Variants in SPATA13 observed in about 807,000 individuals in gnomAD.
SPATA13 encodes the protein spermatogenesis associated 13.
A neutral mutation model predicts 104.0 loss-of-function variants in SPATA13; 50 were observed. That is an observed-to-expected ratio of 0.48 (90% confidence interval 0.38 to 0.61). The LOEUF (loss-of-function observed/expected upper bound fraction) is 0.61. SPATA13 is among the 20% of genes least tolerant of loss of function. SPATA13 has a pLI of 0.00. For missense variants in SPATA13, 1,524 were observed against 1,690.6 expected, an observed-to-expected ratio of 0.90 and a Z score of 1.73; for synonymous variants, 606 against 667.5, an observed-to-expected ratio of 0.91 and a Z score of 1.42.
chr13:24,227,521 G>A (rs1872011951), intron 2 of SPATA13, among the ~76,000 whole-genome samples: 1 of 152,028 alleles, frequency 6.6e-6, no homozygotes. Flanking sequence ...ATAATTCTAC[G>A]AATTTGCCTC....
chr13:24,005,216 A>G (rs144536098), intron 2 of SPATA13, among the ~76,000 whole-genome samples: 3,990 of 152,296 alleles, frequency 0.026, 70 homozygotes, highest in African/African-American at 0.047. Flanking sequence ...GTTTTCTGGT[A>G]GCCTGGCTAT....
chr13:24,276,950 T>C (rs1875031575), intron 4 of SPATA13, among the ~76,000 whole-genome samples: 1 of 152,244 alleles, frequency 6.6e-6, no homozygotes, highest in Admixed American at 6.5e-5. Context: ...ATTTTTCAGC[T>C]GAACTGCAAA....
chr13:24,151,056 C>G (rs986520441), intron 3 of SPATA13, among the ~76,000 whole-genome samples: 6 of 152,146 alleles, frequency 3.9e-5, no homozygotes, highest in African/African-American at 1.4e-4. Context: ...AGGAATCCTG[C>G]GAAGATTCAT....
rs2138485619 is a variant in SPATA13, at chr13:24,161,452, G to A, written c.-112+520G>A. 6.6e-6 allele frequency among the ~76,000 whole-genome samples: 1 copy of A among 152,300 alleles called. No individual in the cohort carries two copies. The highest frequency in any genetic ancestry group is 1.9e-4 in the East Asian group (1 of 5,178). Reference sequence around the variant, plus strand: ...TTTCTCTTGGTACCAGCGGAGTCTCGTCCCAGGGGAAAGATTTTGGGACCC... The same window carrying A: ...TTTCTCTTGGTACCAGCGGAGTCTCATCCCAGGGGAAAGATTTTGGGACCC... On this transcript the variant is annotated intron_variant, in intron 1 of 12. Transcript: ENST00000382108. This position sits in a 1 kb window ranked among gnomAD's most constrained non-coding sequence, Gnocchi z 4.5.
chr13:24,251,398 A>T, intron 3 of SPATA13: 3 of 879,804 alleles, frequency 3.4e-6, no homozygotes, highest in Non-Finnish European at 4.1e-6. Flanking sequence ...CATCTGTGTG[A>T]CAACTCCACT....
chr13:24,071,240 G>A (rs1308063196), intron 3 of SPATA13, among the ~76,000 whole-genome samples: 1 of 152,154 alleles, frequency 6.6e-6, no homozygotes, highest in African/African-American at 2.4e-5. Context: ...ACTCATAGTA[G>A]ACACATTGGA....
intron 4 of SPATA13, among the ~76,000 whole-genome samples, chr13:24,271,595 A>G (rs1253474250): frequency 6.6e-6 from 1 of 152,234 alleles, no homozygotes; most frequent in African/African-American, 2.4e-5. Context: ...CTCTCACACT[A>G]GGAAGCCATA....
At chr13:24,122,016 G>T (rs1455155512) in intron 3 of SPATA13, 9 of 1,290,890 alleles carry the variant, frequency 7.0e-6, no homozygotes, top group African/African-American at 1.5e-5. Context: ...CTGCTAGGAC[G>T]AACACAAGCT....
chr13:24,268,213 C>G (rs1453178906), intron 4 of SPATA13, among the ~76,000 whole-genome samples: 1 of 152,174 alleles, frequency 6.6e-6, no homozygotes, highest in East Asian at 1.9e-4. Flanking sequence ...TGTAGGATAT[C>G]CAAAAGGTAG....
intron 3 of SPATA13, among the ~76,000 whole-genome samples, chr13:24,250,687 C>A (rs149725662): frequency 6.6e-6 from 1 of 152,196 alleles, no homozygotes; most frequent in African/African-American, 2.4e-5. Context: ...TTGTCTATAA[C>A]AAGCACTCAA....
chr13:24,241,446 CAG>C (rs1407443533), intron 2 of SPATA13, among the ~76,000 whole-genome samples: 1 of 152,264 alleles, frequency 6.6e-6, no homozygotes, highest in African/African-American at 2.4e-5. Context: ...CAGCGAAACG[CAG>C]AGTGTTTTGC....
chr13:24,105,735 T>C (rs1880424427), intron 3 of SPATA13, among the ~76,000 whole-genome samples: 2 of 152,066 alleles, frequency 1.3e-5, no homozygotes, highest in South Asian at 4.2e-4. Context: ...CCCCAGTACC[T>C]CCACATGTGA....
At chr13:23,981,283 G>A (rs771351406) in intron 1 of SPATA13, among the ~76,000 whole-genome samples, 3 of 151,994 alleles carry the variant, frequency 2.0e-5, no homozygotes, top group Non-Finnish European at 4.4e-5. Flanking sequence ...AAAAAAAAAT[G>A]TCAAGGGGTT....
chr13:24,166,000 T>G (rs1033634876), intron 1 of SPATA13, among the ~76,000 whole-genome samples: 2 of 152,218 alleles, frequency 1.3e-5, no homozygotes, highest in African/African-American at 4.8e-5. Context: ...TGTGCTCCAC[T>G]TCCACCCTTC....
intron 3 of SPATA13, among the ~76,000 whole-genome samples, chr13:24,130,251 G>T (rs1439335498): frequency 6.6e-6 from 1 of 152,192 alleles, no homozygotes; most frequent in Non-Finnish European, 1.5e-5. Context: ...CTGGCCCATG[G>T]CTTCACACAC....
chr13:24,008,805 C>G (rs911628964), intron 2 of SPATA13, among the ~76,000 whole-genome samples: 1 of 152,170 alleles, frequency 6.6e-6, no homozygotes, highest in Non-Finnish European at 1.5e-5. Context: ...TGATGGCTCT[C>G]AGGCCTATCT....
chr13:24,224,020 G>A lies in SPATA13; in HGVS notation c.1091G>A (p.Arg364His), dbSNP rs1192539521. 11 of 1,548,802 alleles carry A rather than the reference G, an allele frequency of 7.1e-6. No homozygotes were observed. Among genetic ancestry groups the A allele is most frequent in the African/African-American group, 1.4e-5 (1 of 73,004 alleles). Residue 364 changes from arginine to histidine, a missense_variant, in exon 2 of 13, where the codon CGC (arginine) becomes CAC (histidine). Physicochemically the swap from Arg to His is conservative, Grantham distance 29. Coordinates refer to ENST00000382108, the MANE Select transcript of SPATA13 (RefSeq NM_001166271.3). The part of the protein sequence containing the change: ...HSRLHDDYSR[R>H]VSRSTEQDSR... ...CGGCTGCATGACGACTACTCCCGCC[G>A]CGTCTCCAGGAGCACTGAGCAGGAC...
chr13:24,263,512 G>T (rs903420340), intron 4 of SPATA13, among the ~76,000 whole-genome samples: 2 of 152,210 alleles, frequency 1.3e-5, no homozygotes, highest in African/African-American at 4.8e-5. Flanking sequence ...CTCCAAGGCT[G>T]TGCAAAAGTC....
In SPATA13 at chr13:24,290,711, G is replaced by T; in HGVS notation, c.2907G>T (p.Glu969Asp). The T allele has an allele frequency of 6.2e-7, 1 of 1,614,224 alleles. No individual in the cohort carries two copies. Among genetic ancestry groups the T allele is most frequent in the Non-Finnish European group, 8.5e-7 (1 of 1,180,040 alleles). The change falls in exon 9 of 13, where the codon GAG becomes GAT. Residue 969 changes from glutamate (E) to aspartate (D), a missense_variant. Physicochemically the swap from Glu to Asp is conservative, Grantham distance 45. This residue lies in a region of SPATA13 where 435 missense variants were observed against 554.8 expected (regional missense o/e 0.78). Coordinates refer to ENST00000382108, the MANE Select transcript of SPATA13 (RefSeq NM_001166271.3). ...YCNNHPGACL[E>D]LANLMKQGKY... is the part of the protein sequence containing the mutation. ...ACAACCACCCGGGCGCCTGCCTGGA[G>T]CTCGCCAACCTCATGAAGCAGGGCA...
Sources: gnomAD v4.1 joint callset for allele counts (sites outside exome capture counted in the v4.1 genomes callset) on GRCh38, gnomAD v4.1.1 for gene constraint, gnomAD v4.1.1 regional missense constraint, Gnocchi (gnomAD v3.1) non-coding constraint, MANE v1.5 for transcripts, NCBI Gene and HGNC (gene_info 2026-07-23, HGNC 2026-07-21) for gene names.